Variants in TENM3 observed in about 807,000 individuals in gnomAD.
The protein encoded by TENM3 is teneurin-3.
Under a neutral mutation model 255.1 loss-of-function variants are expected in TENM3, and 63 were observed. That is an observed-to-expected ratio of 0.25 (90% CI 0.20 to 0.30). The LOEUF is 0.30. Ranked by LOEUF, TENM3 falls within the 10% of genes least tolerant of loss-of-function variation. The probability of loss-of-function intolerance (pLI) is 1.00; values close to 1 mark genes in which losing one functional copy is unlikely to be tolerated. For synonymous variants in TENM3, 1,306 were observed against 1,322.3 expected (o/e 0.99, Z 0.27); for missense variants, 2,929 against 3,461.1 (o/e 0.85, Z 3.86).
the TENM3 span, among the ~76,000 whole-genome samples, chr4:182,111,309 A>G: frequency 6.7e-6 from 1 of 148,564 alleles, no homozygotes; most frequent in African/African-American, 2.5e-5. Flanking sequence ...CTCTTCATAC[A>G]CTCTGTAGTA....
At chr4:182,614,889 C>G (rs931809912) in intron 4 of TENM3, among the ~76,000 whole-genome samples, 1 of 151,660 alleles carries the variant, frequency 6.6e-6, no homozygotes, top group African/African-American at 2.4e-5. Flanking sequence ...TTTCATAGAT[C>G]CGAAGCTACC....
chr4:182,520,111 A>C (rs1272813633), intron 3 of TENM3, among the ~76,000 whole-genome samples: 3 of 152,156 alleles, frequency 2.0e-5, no homozygotes, highest in African/African-American at 7.2e-5. Flanking sequence ...TTTAAAAATG[A>C]AATTTGAAGG....
At chr4:182,785,718 A>AAT in intron 24 of TENM3, among the ~76,000 whole-genome samples, 1 of 150,696 alleles carries the variant, frequency 6.6e-6, no homozygotes, top group African/African-American at 2.4e-5. Flanking sequence ...AAGATAAAAA[A>AAT]AAAAAAAAAA....
chr4:181,741,472 TA>T, the TENM3 span, among the ~76,000 whole-genome samples: 3 of 152,220 alleles, frequency 2.0e-5, no homozygotes, highest in Non-Finnish European at 2.9e-5. Context: ...ATTTATTAGT[TA>T]AAAAAAGGAG....
the TENM3 span, among the ~76,000 whole-genome samples, chr4:181,510,268 GC>G: frequency 6.6e-6 from 1 of 151,768 alleles, no homozygotes; most frequent in African/African-American, 2.4e-5. Context: ...TGGTATTTAG[GC>G]CATTTAAACC....
At position 182,178,318 on chromosome 4, in the gene TENM3, C is replaced by A. The variant is rs11732492; in HGVS notation, c.-76+33564C>A. Among the ~76,000 whole-genome samples, 3 of 151,960 alleles carry A rather than the reference C, an allele frequency of 2.0e-5. No individual in the cohort carries two copies. The South Asian group carries it at 6.2e-4, about 32-fold the overall frequency. Reference sequence around the variant, plus strand: ...ACTGCCTCACCAAAAAATTATGTAGCCCAGGGATAGAACTTTCCTAATAAA... The same window carrying A: ...ACTGCCTCACCAAAAAATTATGTAGACCAGGGATAGAACTTTCCTAATAAA... On this transcript the variant is annotated intron_variant, in intron 1 of 2. Coordinates refer to the TENM3 transcript ENST00000512480.
the TENM3 span, among the ~76,000 whole-genome samples, chr4:181,653,608 C>T: frequency 6.6e-6 from 1 of 151,700 alleles, no homozygotes; most frequent in South Asian, 2.1e-4. Flanking sequence ...ACCGTGTTGG[C>T]CAGGATGCTC....
At chr4:182,124,497 A>G in the TENM3 span, among the ~76,000 whole-genome samples, 2 of 152,354 alleles carry the variant, frequency 1.3e-5, no homozygotes, top group Non-Finnish European at 2.9e-5. Context: ...AAGCCTCGAG[A>G]CTACAGTGTT....
chr4:182,022,348 A>T, the TENM3 span, among the ~76,000 whole-genome samples: 2 of 152,050 alleles, frequency 1.3e-5, no homozygotes, highest in Admixed American at 6.6e-5. Context: ...AGCATTGGGT[A>T]TACATGGACA....
At chr4:182,512,320 C>T (rs574859359) in intron 3 of TENM3, among the ~76,000 whole-genome samples, 3 of 152,046 alleles carry the variant, frequency 2.0e-5, no homozygotes, top group Non-Finnish European at 2.9e-5. Flanking sequence ...CCTCAGGGAC[C>T]GTAGAAGATG....
chr4:181,745,628 G>A, the TENM3 span, among the ~76,000 whole-genome samples: 2 of 152,084 alleles, frequency 1.3e-5, no homozygotes, highest in East Asian at 3.9e-4. Context: ...ATGCAGAAAG[G>A]GAGATAGATA....
chr4:181,834,049 C>T, the TENM3 span, among the ~76,000 whole-genome samples: 232 of 151,392 alleles, frequency 1.5e-3, no homozygotes, highest in African/African-American at 5.2e-3. Context: ...TCTCCATTGA[C>T]GTGCATTTTA....
the TENM3 span, among the ~76,000 whole-genome samples, chr4:182,071,037 A>G: frequency 6.6e-6 from 1 of 152,192 alleles, no homozygotes; most frequent in African/African-American, 2.4e-5. Context: ...CCACTTTCAA[A>G]GCCATCTCCA....
chr4:181,795,496 G>A, the TENM3 span, among the ~76,000 whole-genome samples: 1 of 151,998 alleles, frequency 6.6e-6, no homozygotes, highest in Non-Finnish European at 1.5e-5. Context: ...TGAATTTCAG[G>A]GGATGTAAAC....
At chr4:182,387,367 C>T (rs1371201859) in intron 3 of TENM3, among the ~76,000 whole-genome samples, 4 of 152,120 alleles carry the variant, frequency 2.6e-5, no homozygotes, top group Non-Finnish European at 4.4e-5. Context: ...TCTAACTAAT[C>T]GGATGGGGAG....
chr4:181,810,788 T>A, the TENM3 span, among the ~76,000 whole-genome samples: 1 of 152,032 alleles, frequency 6.6e-6, no homozygotes, highest in Non-Finnish European at 1.5e-5. Flanking sequence ...GAGGAAGTCT[T>A]GGACTAAATG....
chr4:181,668,774 C>T, the TENM3 span, among the ~76,000 whole-genome samples: 1 of 152,130 alleles, frequency 6.6e-6, no homozygotes, highest in Non-Finnish European at 1.5e-5. Flanking sequence ...AACCCACAAG[C>T]ATTCCTACTC....
intron 1 of TENM3, among the ~76,000 whole-genome samples, chr4:182,186,044 T>C (rs931038402): frequency 1.3e-5 from 2 of 152,054 alleles, no homozygotes; most frequent in Non-Finnish European, 2.9e-5. Context: ...TTCCTTTATA[T>C]ATATATGGAA....
chr4:182,743,481 T>C (rs528452842), intron 19 of TENM3, 62 bp downstream of exon 19: 15 of 1,556,826 alleles, frequency 9.6e-6, no homozygotes, highest in Middle Eastern at 1.7e-4. Context: ...AAAAAAAAGG[T>C]TGAGTCTGAT....
Sources: gnomAD v4.1 joint callset for allele counts (sites outside exome capture counted in the v4.1 genomes callset) on GRCh38, gnomAD v4.1.1 for gene constraint, MANE v1.5 for transcripts, NCBI Gene and HGNC (gene_info 2026-07-23, HGNC 2026-07-21) for gene names.